Variants in SLC25A46 observed in about 807,000 individuals in gnomAD.
SLC25A46 encodes the protein mitochondrial outer membrane protein SLC25A46.
A neutral mutation model predicts 44.6 loss-of-function variants in SLC25A46; 39 were observed. That is an observed-to-expected ratio of 0.87 (90% CI 0.68 to 1.14). The LOEUF (loss-of-function observed/expected upper bound fraction) is 1.14, where lower values mean the gene tolerates loss of function less well. SLC25A46 is among the 50% of genes most tolerant of loss of function. The pLI, the probability that SLC25A46 is intolerant of heterozygous loss-of-function variation, is 0.00. For missense variants in SLC25A46, 547 were observed against 522.7 expected, an observed-to-expected ratio of 1.05 and a Z score of -0.45; for synonymous variants, 202 against 185.8, an observed-to-expected ratio of 1.09 and a Z score of -0.71.
At chr5:110,738,853 C>T (rs900843879), upstream of SLC25A46, 6 of 718,890 alleles carry the variant, frequency 8.3e-6, no homozygotes, top group African/African-American at 1.1e-4. Flanking sequence ...AATCCCACAA[C>T]CATATTCCCA....
Position 110,755,528 on chromosome 5 carries a change from A to G in SLC25A46, c.620+7A>G. The G allele has an allele frequency of 1.3e-6, 2 of 1,561,502 alleles. No individual in the cohort carries two copies. Among genetic ancestry groups the G allele is most frequent in the Non-Finnish European group, 1.7e-6 (2 of 1,153,632 alleles). ...AACACCTTCTACTGAAATCGTAAGT[A>G]TCAAAAAATGGCATTTTTATTGGGC... On this transcript the variant is annotated splice_region_variant and intron_variant, in intron 6 of 7. Transcript: ENST00000355943.
In SLC25A46 at chr5:110,761,111, T is replaced by C. The variant is rs553258130; in HGVS notation, c.679-93T>C. 6.6e-6 allele frequency: 6 copies of C among 904,210 alleles called. No individual in the cohort carries two copies. In the South Asian group the frequency reaches 9.9e-5, roughly 15 times the overall value. The allele number at this position is 904,210 out of a possible 1,614,324, so 56.0% of individuals were successfully genotyped here. On this transcript the variant is annotated intron_variant, in intron 7 of 7. Coordinates refer to ENST00000355943, the MANE Select transcript of SLC25A46 (RefSeq NM_138773.4). This position sits in a 1 kb window ranked among gnomAD's most constrained non-coding sequence, Gnocchi z 5.3. ...TGGATGTTTCCCTCTTCAGTCACTA[T>C]GTTAGGATTTAAAAGGAACCTAAAA...
chr5:110,742,911 C>T (rs1028540423), intron 2 of SLC25A46, among the ~76,000 whole-genome samples: 1 of 152,032 alleles, frequency 6.6e-6, no homozygotes, highest in African/African-American at 2.4e-5. Flanking sequence ...ACAAAGCTTA[C>T]ATTTCATGCC....
At chr5:110,741,789 T>C (rs989080059) in intron 1 of SLC25A46, 2 of 322,668 alleles carry the variant, frequency 6.2e-6, no homozygotes, top group Non-Finnish European at 1.1e-5. Context: ...CACACTCTAA[T>C]GTGGCAACAA....
chr5:110,744,894 T>A (rs539389728), intron 3 of SLC25A46, among the ~76,000 whole-genome samples: 1 of 152,288 alleles, frequency 6.6e-6, no homozygotes, highest in Admixed American at 6.5e-5. Context: ...AGGATATTAA[T>A]TAGAAAGAGG....
chr5:110,756,843 A>G, intron 7 of SLC25A46, 84 bp downstream of exon 7: 1 of 898,066 alleles, frequency 1.1e-6, no homozygotes, highest in Non-Finnish European at 1.6e-6. Context: ...CTAACATTTC[A>G]GCAGAAAATT....
In SLC25A46 at chr5:110,761,824, G is replaced by A. The variant is rs763476903; in HGVS notation, c.*42G>A. ...CTGAGTAGTCTGGAAGATATAATCTGGATAATTTGCTATGAAGTTATGAGG... is the reference window on the plus strand; with the variant it reads ...CTGAGTAGTCTGGAAGATATAATCTAGATAATTTGCTATGAAGTTATGAGG... On this transcript the variant is annotated 3_prime_UTR_variant, in exon 8 of 8. Coordinates refer to ENST00000355943, the MANE Select transcript of SLC25A46 (RefSeq NM_138773.4). This position sits in a 1 kb window ranked among gnomAD's most constrained non-coding sequence, Gnocchi z 5.3. 6.7e-7 allele frequency: 1 copy of A among 1,482,402 alleles called. No homozygotes were observed. Among genetic ancestry groups the A allele is most frequent in the Middle Eastern group, 1.8e-4 (1 of 5,480 alleles). The allele number at this position is 1,482,402 out of a possible 1,614,324, so 91.8% of individuals were successfully genotyped here.
At chr5:110,746,432 A>G (rs1799822583) in intron 4 of SLC25A46, 86 bp downstream of exon 4, 1 of 883,832 alleles carries the variant, frequency 1.1e-6, no homozygotes, top group Admixed American at 2.7e-5. Context: ...AATTACTTTC[A>G]GTTTGGTCAA....
chr5:110,752,909 G>T (rs942291261), intron 5 of SLC25A46, among the ~76,000 whole-genome samples: 1 of 152,114 alleles, frequency 6.6e-6, no homozygotes, highest in African/African-American at 2.4e-5. Context: ...GAAGAATAGA[G>T]TCTGAACCTT....
At chr5:110,742,232 A>G in intron 2 of SLC25A46, 143 bp downstream of exon 2, 1 of 554,386 alleles carries the variant, frequency 1.8e-6, no homozygotes, top group Non-Finnish European at 3.0e-6. Context: ...AATATTTTGC[A>G]GAAAAAAAAT....
chr5:110,745,721 T>G (rs1162247769), intron 3 of SLC25A46: 1 of 152,528 alleles, frequency 6.6e-6, no homozygotes. Context: ...CAGAACAGTG[T>G]ATTTCAGATA....
upstream of SLC25A46, chr5:110,738,755 T>C: frequency 3.3e-6 from 1 of 301,456 alleles, no homozygotes; most frequent in Non-Finnish European, 6.1e-6. Context: ...ATCGGCTCCC[T>C]CCAAGAAGCA....
chr5:110,753,359 G>A (rs988528166), intron 5 of SLC25A46: 5 of 147,884 alleles, frequency 3.4e-5, no homozygotes, highest in Middle Eastern at 3.5e-3. Flanking sequence ...ATTAAAGACT[G>A]CTGAGACAGA....
chr5:110,753,019 T>C (rs879739433), intron 5 of SLC25A46, among the ~76,000 whole-genome samples: 5 of 152,124 alleles, frequency 3.3e-5, no homozygotes, highest in Non-Finnish European at 7.4e-5. Context: ...AATGGGCTAG[T>C]GGAGCACAGG....
chr5:110,754,779 G>A (rs1800064376), intron 5 of SLC25A46: 1 of 152,140 alleles, frequency 6.6e-6, no homozygotes, highest in Admixed American at 6.6e-5. Context: ...AGGCAGTACA[G>A]GCAGAGAGTA....
chr5:110,755,349 T>C lies in SLC25A46; in HGVS notation c.564-116T>C, dbSNP rs371311276. 25 of 648,234 alleles carry C rather than the reference T, an allele frequency of 3.9e-5. 2 individuals carry two copies. The highest frequency in any genetic ancestry group is 2.3e-4 in the East Asian group (8 of 34,448). The allele number at this position is 648,234 out of a possible 1,614,324, so 40.2% of individuals were successfully genotyped here. ...GAAAATGTTCACCATTAGAATATAT[T>C]TCTCCTACAGATTGAAAAAAATTAG... On this transcript the variant is annotated intron_variant, in intron 5 of 7. Transcript: ENST00000355943.
At chr5:110,740,747 C>A (rs955546430) in intron 1 of SLC25A46, among the ~76,000 whole-genome samples, 1 of 151,908 alleles carries the variant, frequency 6.6e-6, no homozygotes, top group Non-Finnish European at 1.5e-5. Flanking sequence ...GTCAGGAGAT[C>A]GAGACCATCC....
rs1799537713 is a variant in SLC25A46 at position 110,739,239 on chromosome 5, C to T, written c.120C>T (p.Gly40=). ...CCTTCAGCACCGGGTCGGACCTGGG[C>T]CACTGGGTGACGACTCCCCCAGATA... ...ARSFSTGSDL[G]HWVTTPPDIP... The change falls in exon 1 of 8, where the codon GGC becomes GGT. Residue 40 remains glycine (G), a synonymous_variant. Coordinates refer to ENST00000355943, the MANE Select transcript of SLC25A46 (RefSeq NM_138773.4). 6.3e-7 allele frequency: 1 copy of T among 1,581,222 alleles called. No individual in the cohort carries two copies. The highest frequency in any genetic ancestry group is 8.6e-7 in the Non-Finnish European group (1 of 1,164,358).
In SLC25A46 at chr5:110,741,951, A is replaced by C. The variant is rs1315473292; in HGVS notation, c.284-96A>C. 1.3e-5 allele frequency: 11 copies of C among 842,664 alleles called. No individual in the cohort carries two copies. In the Admixed American group the frequency reaches 3.0e-4, roughly 23 times the overall value. The allele number at this position is 842,664 out of a possible 1,614,324, so 52.2% of individuals were successfully genotyped here. ...TTTAAATGAACAGCAGGTTAATAAA[A>C]TAAATTTTTTAAAATTGTTTTGAGA... On this transcript the variant is annotated intron_variant, in intron 1 of 7. Transcript: ENST00000355943.
Sources: allele counts gnomAD v4.1 joint callset (sites outside exome capture counted in the v4.1 genomes callset), GRCh38; gene constraint gnomAD v4.1.1; non-coding constraint Gnocchi (gnomAD v3.1); transcripts MANE v1.5; gene names NCBI Gene and HGNC (gene_info 2026-07-23, HGNC 2026-07-21).